Variants in WFDC11 observed in about 807,000 individuals in gnomAD.
WFDC11 encodes the protein protein WFDC11.
WFDC11 carries 9 observed loss-of-function variants against 9.9 expected under a neutral mutation model. The ratio of observed to expected loss-of-function variants is 0.91; its 90% confidence interval spans 0.55 to 1.58. The LOEUF (loss-of-function observed/expected upper bound fraction) is 1.58. Ranked by LOEUF, WFDC11 falls within the 40% of genes most tolerant of loss-of-function variation. The pLI is 0.00. For synonymous variants in WFDC11, 32 were observed against 33.3 expected (o/e 0.96, Z 0.13); for missense variants, 106 against 101.7 (o/e 1.04, Z -0.18).
At chr20:45,661,856 C>T (rs1983075544) in intron 2 of WFDC11, among the ~76,000 whole-genome samples, 1 of 152,060 alleles carries the variant, frequency 6.6e-6, no homozygotes, top group South Asian at 2.1e-4. Context: ...TAGTGTGATG[C>T]CTCCAGCTTT....
At chr20:45,668,929 A>G (rs1015063355) in intron 1 of WFDC11, among the ~76,000 whole-genome samples, 3 of 152,218 alleles carry the variant, frequency 2.0e-5, no homozygotes, top group African/African-American at 7.2e-5. Context: ...CAATAAAAGT[A>G]GAAATACAGA....
At chr20:45,650,324 A>C (rs1362395575) in intron 3 of WFDC11, among the ~76,000 whole-genome samples, 177 bp downstream of exon 3, 1 of 152,160 alleles carries the variant, frequency 6.6e-6, no homozygotes, top group Non-Finnish European at 1.5e-5. Context: ...GGAAGCATTG[A>C]AGGACCTCAG....
At chr20:45,654,395 C>T (rs1402854290) in intron 2 of WFDC11, among the ~76,000 whole-genome samples, 1 of 152,168 alleles carries the variant, frequency 6.6e-6, no homozygotes, top group African/African-American at 2.4e-5. Flanking sequence ...AGAACAAAGA[C>T]ACAACATACC....
chr20:45,662,893 T>G (rs1983102165), intron 2 of WFDC11, among the ~76,000 whole-genome samples: 1 of 152,210 alleles, frequency 6.6e-6, no homozygotes, highest in Non-Finnish European at 1.5e-5. Flanking sequence ...TTTATTGTAG[T>G]GTCTCTGCCA....
intron 2 of WFDC11, among the ~76,000 whole-genome samples, chr20:45,665,148 A>T (rs1983160890): frequency 1.3e-5 from 2 of 151,714 alleles, no homozygotes. Context: ...TTGTCTTTTC[A>T]CTTTATTTCA....
At chr20:45,650,950 G>T (rs149589352) in intron 2 of WFDC11, among the ~76,000 whole-genome samples, 8 of 152,280 alleles carry the variant, frequency 5.3e-5, no homozygotes, top group African/African-American at 1.9e-4. Context: ...GGGTACATGT[G>T]AAGGTTTGTT....
At chr20:45,656,550 C>A (rs1014845268) in intron 2 of WFDC11, among the ~76,000 whole-genome samples, 2 of 152,096 alleles carry the variant, frequency 1.3e-5, no homozygotes, top group African/African-American at 2.4e-5. Flanking sequence ...ACTAAAACAC[C>A]AAAAGCAATG....
intron 2 of WFDC11, among the ~76,000 whole-genome samples, chr20:45,653,630 A>G (rs1339710277): frequency 1.3e-5 from 2 of 152,184 alleles, no homozygotes; most frequent in Non-Finnish European, 2.9e-5. Context: ...AAAGACACAG[A>G]CTGGCAAATT....
At chr20:45,654,383 T>C (rs1337383804) in intron 2 of WFDC11, among the ~76,000 whole-genome samples, 2 of 152,024 alleles carry the variant, frequency 1.3e-5, no homozygotes, top group South Asian at 2.1e-4. Flanking sequence ...TTGAAACCAA[T>C]GAGAACAAAG....
intron 1 of WFDC11, among the ~76,000 whole-genome samples, chr20:45,669,865 AG>A (rs971050514): frequency 6.6e-6 from 1 of 152,196 alleles, no homozygotes; most frequent in Admixed American, 6.5e-5. Context: ...ACCATACAAA[AG>A]ATCCATGAAA....
chr20:45,663,696 T>C (rs1983124041), intron 2 of WFDC11, among the ~76,000 whole-genome samples: 1 of 152,232 alleles, frequency 6.6e-6, no homozygotes, highest in African/African-American at 2.4e-5. Flanking sequence ...CTAGTAGTCA[T>C]TCAGGAGCAG....
chr20:45,649,241 A>T lies in WFDC11; in HGVS notation c.243+16T>A. ...TCAGTGAAGATATACACCCAAGCAA[A>T]CATCTCCCAACTCACGACGTTTATC... On this transcript the variant is annotated intron_variant, in intron 4 of 4. Coordinates refer to ENST00000324384, the MANE Select transcript of WFDC11 (RefSeq NM_147197.2). 6.2e-7 allele frequency: 1 copy of T among 1,613,768 alleles called. No individual in the cohort carries two copies. The highest frequency in any genetic ancestry group is 8.5e-7 in the Non-Finnish European group (1 of 1,179,882).
intron 3 of WFDC11, 118 bp downstream of exon 3, chr20:45,650,383 T>C (rs1369453118): frequency 1.4e-6 from 1 of 722,376 alleles, no homozygotes; most frequent in Non-Finnish European, 2.4e-6. Context: ...CATTCTCTGA[T>C]GGGTGATACT....
intron 2 of WFDC11, among the ~76,000 whole-genome samples, chr20:45,661,673 G>A (rs1460161237): frequency 6.6e-6 from 1 of 152,088 alleles, no homozygotes; most frequent in Non-Finnish European, 1.5e-5. Flanking sequence ...ATTAAATAGG[G>A]AATCCTTTCC....
intron 2 of WFDC11, among the ~76,000 whole-genome samples, chr20:45,655,471 A>C (rs1052920768): frequency 6.6e-6 from 1 of 152,224 alleles, no homozygotes; most frequent in Admixed American, 6.5e-5. Context: ...TGCACAGCCA[A>C]TATCATACTG....
At chr20:45,650,247 T>TAG (rs1555803261) in intron 3 of WFDC11, among the ~76,000 whole-genome samples, 29 of 148,822 alleles carry the variant, frequency 1.9e-4, no homozygotes, top group Non-Finnish European at 3.9e-4. Flanking sequence ...TGTATATATA[T>TAG]AGAGAGAGAG....
intron 2 of WFDC11, among the ~76,000 whole-genome samples, chr20:45,658,905 C>T (rs1600939758): frequency 7.6e-6 from 1 of 131,856 alleles, no homozygotes; most frequent in Admixed American, 7.3e-5. Flanking sequence ...TGTGTGATGC[C>T]CACCCCCCCG....
At chr20:45,666,408 G>A (rs1298358732) in intron 2 of WFDC11, among the ~76,000 whole-genome samples, 3 of 152,192 alleles carry the variant, frequency 2.0e-5, no homozygotes, top group East Asian at 1.9e-4. Flanking sequence ...CCCTGCTTCC[G>A]CTCACCCTCC....
intron 2 of WFDC11, among the ~76,000 whole-genome samples, chr20:45,653,008 G>A (rs1982845593): frequency 6.6e-6 from 1 of 152,186 alleles, no homozygotes; most frequent in Admixed American, 6.5e-5. Flanking sequence ...AAAACACTCT[G>A]CAGGATATTA....
Sources: allele counts gnomAD v4.1 joint callset (sites outside exome capture counted in the v4.1 genomes callset), GRCh38; gene constraint gnomAD v4.1.1; transcripts MANE v1.5; gene names NCBI Gene and HGNC (gene_info 2026-07-23, HGNC 2026-07-21).